Variants in MYH2 observed in about 807,000 individuals in gnomAD.
MYH2 encodes myosin heavy chain 2, also known as myosin-2.
Under a neutral mutation model 228.1 loss-of-function variants are expected in MYH2, and 139 were observed. That is an observed-to-expected ratio of 0.61 (90% CI 0.53 to 0.70). MYH2 has a LOEUF of 0.70. Ranked by LOEUF, MYH2 falls within the 30% of genes least tolerant of loss-of-function variation. MYH2 has a pLI of 0.00. For synonymous variants in MYH2, 796 were observed against 871.1 expected (o/e 0.91, Z 1.52); for missense variants, 1,809 against 2,357.5 (o/e 0.77, Z 4.82).
In MYH2 at chr17:10,538,009, A is replaced by C. The variant is rs117358173; in HGVS notation, c.1417-174T>G. 6,328 of 1,228,610 alleles carry C rather than the reference A, an allele frequency of 5.2e-3. 19 individuals carry two copies. Among genetic ancestry groups the C allele is most frequent in the Non-Finnish European group, 6.6e-3 (5,892 of 896,954 alleles). The allele number at this position is 1,228,610 out of a possible 1,614,324, so 76.1% of individuals were successfully genotyped here. A position where few individuals can be genotyped will look rare whatever the true frequency, so the allele number is the denominator to read the frequency against. ...TGAAAAGTATGGAAGGTTTGAGGGC[A>C]TGTGGAAGCTACTATTTTTCTGCTG... On this transcript the variant is annotated intron_variant, in intron 14 of 39. Coordinates refer to ENST00000245503, the MANE Select transcript of MYH2 (RefSeq NM_017534.6).
intron 14 of MYH2, 104 bp downstream of exon 14, chr17:10,539,101 T>G (rs2073518752): frequency 1.3e-6 from 2 of 1,599,314 alleles, no homozygotes; most frequent in African/African-American, 1.3e-5. Flanking sequence ...CTTAAAATAA[T>G]TTCTACAGTG....
At position 10,537,176 on chromosome 17, in the gene MYH2, C is replaced by T. The variant is rs761898668; in HGVS notation, c.1897+57G>A. The T allele has an allele frequency of 5.0e-6, 8 of 1,609,176 alleles. No individual in the cohort carries two copies. Among genetic ancestry groups the T allele is most frequent in the African/African-American group, 1.3e-5 (1 of 74,836 alleles). On this transcript the variant is annotated intron_variant, in intron 16 of 39. Transcript: ENST00000245503. The surrounding 1 kb of genome is among the most constrained non-coding windows in gnomAD (Gnocchi z 4.0). ...GCCAGACCTAAGAGATCACTAGCTTCAATTTAACATCACATTTTGTAATAC... is the reference window on the plus strand; with the variant it reads ...GCCAGACCTAAGAGATCACTAGCTTTAATTTAACATCACATTTTGTAATAC...
At chr17:10,538,427 G>A (rs551455143) in intron 14 of MYH2, among the ~76,000 whole-genome samples, 22 of 152,122 alleles carry the variant, frequency 1.4e-4, no homozygotes, top group African/African-American at 5.1e-4. Context: ...GGATCACGAG[G>A]TCAGAAGATC....
intron 28 of MYH2, 93 bp downstream of exon 28, chr17:10,527,654 GC>G: frequency 6.3e-7 from 1 of 1,582,608 alleles, no homozygotes; most frequent in Non-Finnish European, 8.6e-7. Flanking sequence ...CATGTTCTCA[GC>G]TGTTTTATTA....
intron 22 of MYH2, 45 bp downstream of exon 22, chr17:10,531,588 A>G: frequency 1.2e-6 from 2 of 1,613,930 alleles, no homozygotes. Flanking sequence ...AAGTTCTAGC[A>G]CCTGCATCCT....
rs747657840 is a variant in MYH2, at chr17:10,545,379, T to G, written c.472A>C (p.Ile158Leu). Residue 158 changes from isoleucine (I) to leucine (L), a missense_variant, in exon 5 of 40, where the codon ATC (isoleucine) becomes CTC (leucine). Physicochemically the swap from Ile to Leu is conservative, Grantham distance 5 (BLOSUM62 2). Around this residue, in one of 9 missense-constraint regions of MYH2, gnomAD observed 373 missense variants for 620.4 expected, o/e 0.60. Coordinates refer to ENST00000245503, the MANE Select transcript of MYH2 (RefSeq NM_017534.6). ...RQEAPPHIFSISDNAYQFMLT... is the reference protein window; with the variant it reads ...RQEAPPHIFSLSDNAYQFMLT... ...ATGAACTGATAGGCGTTGTCAGAGA[T>G]GGAGAAGATGTGGGGCGGGGCCTCC... is the stretch of plus-strand genomic sequence containing the variant. 6.2e-7 allele frequency: 1 copy of G among 1,613,880 alleles called. No homozygotes were observed.
chr17:10,539,869 CAAGTT>C, intron 12 of MYH2, 54 bp downstream of exon 12: 1 of 1,609,822 alleles, frequency 6.2e-7, no homozygotes, highest in Middle Eastern at 1.9e-4. Context: ...TCCTGGGTAA[CAAGTT>C]AAGAATGTGA....
At position 10,525,563 on chromosome 17, in the gene MYH2, G is replaced by A. The variant is rs771599853; in HGVS notation, c.4425C>T (p.Ala1475=). ...KCEETHAELE[A]SQKEARSLGT... ...CAAGGGAACGGGCCTCCTTCTGGGA[G>A]GCCTCAAGCTCAGCATGCGTTTCCT... is the stretch of plus-strand genomic sequence containing the variant. Residue 1475 remains alanine, a synonymous_variant, in exon 32 of 40, where the codon GCC becomes GCT. Transcript: ENST00000245503. This position sits in a 1 kb window ranked among gnomAD's most constrained non-coding sequence, Gnocchi z 4.2. The A allele has an allele frequency of 1.2e-6, 2 of 1,614,148 alleles. No individual in the cohort carries two copies. The highest frequency in any genetic ancestry group is 4.5e-5 in the East Asian group (2 of 44,880).
At chr17:10,545,996 A>G (rs1260408910) in intron 4 of MYH2, among the ~76,000 whole-genome samples, 2 of 152,084 alleles carry the variant, frequency 1.3e-5, no homozygotes, top group Non-Finnish European at 2.9e-5. Flanking sequence ...GTTATTAAAC[A>G]CATGTGCTAT....
At chr17:10,539,592 A>T in intron 12 of MYH2, 30 bp from the exon 13 acceptor site, 1 of 1,584,870 alleles carries the variant, frequency 6.3e-7, no homozygotes, top group Non-Finnish European at 8.7e-7. Context: ...GAACAATGTT[A>T]TTGTGGCCCA....
rs1352113595 is a variant in MYH2 at position 10,541,908 on chromosome 17, C to T, written c.904+967G>A. On this transcript the variant is annotated intron_variant, in intron 10 of 39. Coordinates refer to ENST00000245503, the MANE Select transcript of MYH2 (RefSeq NM_017534.6). ...TGATGACTGATGGGCACTGGAGAGG[C>T]GTTTAAAGGATATTAGGCACCATCG... Among the ~76,000 whole-genome samples the T allele has an allele frequency of 5.3e-5, 8 of 152,096 alleles. No homozygotes were observed. The South Asian group carries it at 8.3e-4, about 16-fold the overall frequency.
rs537888184 is a variant in MYH2 at position 10,526,262 on chromosome 17, A to G, written c.4187+337T>C. On this transcript the variant is annotated intron_variant, in intron 30 of 39. Transcript: ENST00000245503. ...CAAGAGCTAAAAGTCAGAGAGCCAA[A>G]GGGAAGTCTGTGGAGAGGGTATTTC... Among the ~76,000 whole-genome samples the G allele has an allele frequency of 7.2e-5, 11 of 152,356 alleles. No homozygotes were observed. In the East Asian group the frequency reaches 2.1e-3, roughly 29 times the overall value.
chr17:10,525,812 C>T lies in MYH2; in HGVS notation c.4252G>A (p.Ala1418Thr). 6 of 1,614,156 alleles carry T rather than the reference C, an allele frequency of 3.7e-6. No homozygotes were observed. Among genetic ancestry groups the T allele is most frequent in the Non-Finnish European group, 4.2e-6 (5 of 1,180,020 alleles). ...EHVEAVNAKC[A>T]SLEKTKQRLQ... ...CGCTGCTTCGTCTTTTCGAGGGAAG[C>T]ACATTTGGCGTTCACAGCTTCTACA... The change falls in exon 31 of 40, where the codon GCT (alanine) becomes ACT (threonine). Residue 1418 changes from alanine to threonine, a missense_variant. Physicochemically the swap from Ala to Thr is moderately conservative, Grantham distance 58. Coordinates refer to ENST00000245503, the MANE Select transcript of MYH2 (RefSeq NM_017534.6). The surrounding 1 kb of genome is among the most constrained non-coding windows in gnomAD (Gnocchi z 4.2).
At position 10,537,665 on chromosome 17, in the gene MYH2, C is replaced by T; in HGVS notation, c.1587G>A (p.Lys529=). 6.2e-7 allele frequency: 1 copy of T among 1,614,142 alleles called. No homozygotes were observed. Among genetic ancestry groups the T allele is most frequent in the Non-Finnish European group, 8.5e-7 (1 of 1,180,022 alleles). The stretch of plus-strand genomic sequence containing the variant: ...ATGGTTTCAGAAATGCAAAACCAAC[C>T]TTCTCGATGAGCTCGATGCAGGCAG... ...DLAACIELIE[K]PMGIFSILEE... is the part of the protein sequence containing the mutation. Residue 529 remains lysine, a splice_region_variant and synonymous_variant, in exon 15 of 40, where the codon AAG becomes AAA. Transcript: ENST00000245503. The surrounding 1 kb of genome is among the most constrained non-coding windows in gnomAD (Gnocchi z 4.0).
At chr17:10,548,826 A>G (rs915273838) in intron 2 of MYH2, among the ~76,000 whole-genome samples, 3 of 152,192 alleles carry the variant, frequency 2.0e-5, no homozygotes, top group African/African-American at 4.8e-5. Flanking sequence ...CAGTCATTAC[A>G]TGATCAAATT....
chr17:10,528,612 GT>G (rs2073383662), intron 27 of MYH2, 77 bp downstream of exon 27: 3 of 1,604,688 alleles, frequency 1.9e-6, no homozygotes, highest in Non-Finnish European at 2.6e-6. Context: ...GACTTAATGT[GT>G]AAAAAGTGCC....
At chr17:10,545,628 T>C in intron 4 of MYH2, 126 bp from the exon 5 acceptor site, 2 of 1,290,332 alleles carry the variant, frequency 1.5e-6, no homozygotes, top group South Asian at 1.3e-5. Flanking sequence ...GCAGTGGTGC[T>C]ACCTCAGCTC....
Position 10,527,791 on chromosome 17 carries a change from G to A in MYH2, c.3828C>T (p.Ile1276=). 2 of 1,614,082 alleles carry A rather than the reference G, an allele frequency of 1.2e-6. No homozygotes were observed. Among genetic ancestry groups the A allele is most frequent in the East Asian group, 2.2e-5 (1 of 44,882 alleles). The change falls in exon 28 of 40, where the codon ATC becomes ATT. Residue 1276 remains isoleucine (I), a synonymous_variant. Coordinates refer to ENST00000245503, the MANE Select transcript of MYH2 (RefSeq NM_017534.6). The part of the protein sequence containing the change: ...KSKEEEQQRL[I]NDLTAQRGRL... ...GCCCCCTCTGCGCAGTCAGGTCATT[G>A]ATCAGCCGCTGCTGCTCCTCTTCCT...
intron 2 of MYH2, 51 bp from the exon 3 acceptor site, chr17:10,547,991 C>T (rs2073657187): frequency 6.9e-7 from 1 of 1,451,490 alleles, no homozygotes; most frequent in African/African-American, 1.4e-5. Context: ...CCATGTATAC[C>T]AATAAATCTT....
Sources: gnomAD v4.1 joint callset for allele counts (sites outside exome capture counted in the v4.1 genomes callset) on GRCh38, gnomAD v4.1.1 for gene constraint, gnomAD v4.1.1 regional missense constraint, Gnocchi (gnomAD v3.1) non-coding constraint, MANE v1.5 for transcripts, NCBI Gene and HGNC (gene_info 2026-07-23, HGNC 2026-07-21) for gene names.